The following GPC5 variants were observed in gnomAD, a reference collection of about 807,000 sequenced individuals.
GPC5 encodes the protein glypican-5.
GPC5 carries 47 observed loss-of-function variants against 53.9 expected under a neutral mutation model. That is an observed-to-expected ratio of 0.87 (90% CI 0.69 to 1.11). The LOEUF is 1.11. Among genes scored for constraint, GPC5 ranks in the 50% most tolerant of loss-of-function variants. GPC5 has a pLI of 0.00. For synonymous variants in GPC5, 286 were observed against 263.3 expected, an observed-to-expected ratio of 1.09 and a Z score of -0.84; for missense variants, 748 against 713.1, an observed-to-expected ratio of 1.05 and a Z score of -0.56.
At chr13:91,483,366 C>A (rs1883409698) in intron 2 of GPC5, among the ~76,000 whole-genome samples, 1 of 152,186 alleles carries the variant, frequency 6.6e-6, no homozygotes, top group Non-Finnish European at 1.5e-5. Flanking sequence ...AACAATTAAT[C>A]AAGACCTTAG....
intron 7 of GPC5, among the ~76,000 whole-genome samples, chr13:92,518,320 C>A (rs930141368): frequency 6.6e-5 from 10 of 152,174 alleles, no homozygotes; most frequent in African/African-American, 1.9e-4. Flanking sequence ...CAAGACACAT[C>A]ATTGTCAGAT....
chr13:91,488,867 T>C (rs1050370740), intron 2 of GPC5, among the ~76,000 whole-genome samples: 8 of 152,304 alleles, frequency 5.3e-5, no homozygotes, highest in African/African-American at 1.9e-4. Context: ...ACTGAATTAT[T>C]TTCCTCAGCA....
intron 6 of GPC5, among the ~76,000 whole-genome samples, chr13:91,948,972 G>T (rs1318621474): frequency 6.6e-6 from 1 of 152,052 alleles, no homozygotes; most frequent in Non-Finnish European, 1.5e-5. Context: ...TGTCTGAGAG[G>T]GAGATATTAA....
At chr13:91,597,389 T>G (rs936122800) in intron 2 of GPC5, among the ~76,000 whole-genome samples, 1 of 152,200 alleles carries the variant, frequency 6.6e-6, no homozygotes, top group African/African-American at 2.4e-5. Flanking sequence ...CAAATCTTGT[T>G]TGGAGCTCAC....
At chr13:92,234,242 C>T (rs192901182) in intron 7 of GPC5, among the ~76,000 whole-genome samples, 1 of 152,288 alleles carries the variant, frequency 6.6e-6, no homozygotes, top group African/African-American at 2.4e-5. Context: ...ACACTGACTT[C>T]CACAATGGTT....
intron 7 of GPC5, among the ~76,000 whole-genome samples, chr13:92,761,412 A>C (rs1178427216): frequency 1.3e-5 from 2 of 152,326 alleles, no homozygotes; most frequent in East Asian, 3.9e-4. Context: ...CCTCTTGAGG[A>C]ATAGAGCCCT....
Position 91,471,733 on chromosome 13 carries a change from G to A in GPC5, c.325+22811G>A, listed in dbSNP as rs185528019. Among the ~76,000 whole-genome samples, 143 of 151,936 alleles carry A rather than the reference G, an allele frequency of 9.4e-4. 1 individual carries two copies. The highest frequency in any genetic ancestry group is 7.9e-3 in the East Asian group (41 of 5,158). Reference sequence around the variant, plus strand: ...TGACTCGGAGATCATTTCTTCCTAGGTCTCTTCCTCTTTTCTCTTCCTATT... The same window carrying A: ...TGACTCGGAGATCATTTCTTCCTAGATCTCTTCCTCTTTTCTCTTCCTATT... On this transcript the variant is annotated intron_variant, in intron 2 of 7. Transcript: ENST00000377067.
At chr13:92,110,971 G>T (rs1234059758) in intron 6 of GPC5, among the ~76,000 whole-genome samples, 1 of 152,160 alleles carries the variant, frequency 6.6e-6, no homozygotes, top group African/African-American at 2.4e-5. Flanking sequence ...CCTGTTGCAT[G>T]TTGGGTACTG....
At chr13:91,438,514 C>G (rs1296165742) in intron 1 of GPC5, among the ~76,000 whole-genome samples, 1 of 152,172 alleles carries the variant, frequency 6.6e-6, no homozygotes, top group African/African-American at 2.4e-5. Flanking sequence ...CTGATCGTTC[C>G]TCTGGAAGTT....
At chr13:91,603,990 T>C (rs1405404584) in intron 2 of GPC5, among the ~76,000 whole-genome samples, 1 of 151,208 alleles carries the variant, frequency 6.6e-6, no homozygotes, top group Non-Finnish European at 1.5e-5. Flanking sequence ...TTAGGGTACA[T>C]GTGCACATTG....
chr13:92,294,370 T>A (rs886925063), intron 7 of GPC5, among the ~76,000 whole-genome samples: 1 of 152,184 alleles, frequency 6.6e-6, no homozygotes, highest in Admixed American at 6.5e-5. Flanking sequence ...ACCATTTCAA[T>A]CTCTCTGCTT....
intron 7 of GPC5, among the ~76,000 whole-genome samples, chr13:92,407,316 T>C (rs1337533865): frequency 1.3e-5 from 2 of 152,210 alleles, no homozygotes; most frequent in Non-Finnish European, 2.9e-5. Flanking sequence ...TTCCTTTCTT[T>C]AAAGGAAAAG....
chr13:91,572,201 G>GTATATACATGTGTA (rs1566517553), intron 2 of GPC5, among the ~76,000 whole-genome samples: 1 of 124,042 alleles, frequency 8.1e-6, no homozygotes, highest in Non-Finnish European at 1.7e-5. Context: ...ACACACATAT[G>GTATATACATGTGTA]TATATATACG....
intron 7 of GPC5, among the ~76,000 whole-genome samples, chr13:92,607,196 C>A (rs78058756): frequency 0.08 from 12,172 of 152,032 alleles, 1,523 homozygotes; most frequent in African/African-American, 0.26. Context: ...AATTGGGCAA[C>A]TTTTTTGTCC....
At chr13:92,706,703 G>T (rs955974663) in intron 7 of GPC5, among the ~76,000 whole-genome samples, 3 of 151,980 alleles carry the variant, frequency 2.0e-5, no homozygotes, top group South Asian at 2.1e-4. Context: ...AATATTTTCC[G>T]CTAACTAACT....
intron 5 of GPC5, among the ~76,000 whole-genome samples, chr13:91,760,672 G>A (rs168217): frequency 0.29 from 44,776 of 151,906 alleles, 7,928 homozygotes; most frequent in African/African-American, 0.49. Context: ...TGATTGATAT[G>A]ATTATTTGTG....
intron 1 of GPC5, among the ~76,000 whole-genome samples, chr13:91,443,906 A>G (rs890035399): frequency 3.3e-5 from 5 of 152,222 alleles, no homozygotes; most frequent in African/African-American, 9.6e-5. Flanking sequence ...TCAAGAATAC[A>G]GGATGGAATT....
intron 4 of GPC5, among the ~76,000 whole-genome samples, chr13:91,740,399 T>C (rs1294595378): frequency 6.6e-6 from 1 of 152,332 alleles, no homozygotes; most frequent in Non-Finnish European, 1.5e-5. Flanking sequence ...CTTGTTTTGC[T>C]TCTAACATTT....
chr13:92,681,545 C>A (rs1887111119), intron 7 of GPC5, among the ~76,000 whole-genome samples: 1 of 152,084 alleles, frequency 6.6e-6, no homozygotes, highest in Non-Finnish European at 1.5e-5. Context: ...TTCTGAAAAG[C>A]AAATCTTATC....
Sources: allele counts gnomAD v4.1 joint callset (sites outside exome capture counted in the v4.1 genomes callset), GRCh38; gene constraint gnomAD v4.1.1; transcripts MANE v1.5; gene names NCBI Gene and HGNC (gene_info 2026-07-23, HGNC 2026-07-21).